HCN1: variants seen among roughly 807,000 people sequenced by gnomAD.
HCN1 encodes the protein hyperpolarization activated cyclic nucleotide gated potassium channel 1, also known as potassium/sodium hyperpolarization-activated cyclic nucleotide-gated channel 1.
A neutral mutation model predicts 78.9 loss-of-function variants in HCN1; 13 were observed. The observed-to-expected ratio is 0.16, with a 90% CI of 0.11 to 0.26. The LOEUF is 0.26. Among genes scored for constraint, HCN1 ranks in the 10% least tolerant of loss-of-function variants. The pLI is 1.00. For synonymous variants in HCN1, 552 were observed against 455.5 expected (o/e 1.21, Z -2.70); for missense variants, 810 against 1,154.3 (o/e 0.70, Z 4.32).
chr5:45,608,950 A>G (rs1308415706), intron 2 of HCN1, among the ~76,000 whole-genome samples: 1 of 152,110 alleles, frequency 6.6e-6, no homozygotes, highest in Non-Finnish European at 1.5e-5. Context: ...GACATTTAAG[A>G]AATTTAAATG....
intron 3 of HCN1, among the ~76,000 whole-genome samples, chr5:45,422,088 G>T (rs2112068262): frequency 6.6e-6 from 1 of 152,220 alleles, no homozygotes; most frequent in East Asian, 1.9e-4. Flanking sequence ...TATAACAAGT[G>T]CCCTGCCCAT....
At chr5:45,273,258 A>T (rs1375083755) in intron 6 of HCN1, among the ~76,000 whole-genome samples, 1 of 151,884 alleles carries the variant, frequency 6.6e-6, no homozygotes, top group Non-Finnish European at 1.5e-5. Flanking sequence ...AACATAGACA[A>T]CTCTGTTTCC....
At chr5:45,285,990 T>G (rs911591791) in intron 6 of HCN1, among the ~76,000 whole-genome samples, 1 of 151,998 alleles carries the variant, frequency 6.6e-6, no homozygotes, top group African/African-American at 2.4e-5. Flanking sequence ...ACGGAAAATT[T>G]GTTTTTAAAG....
intron 5 of HCN1, among the ~76,000 whole-genome samples, chr5:45,309,174 G>T (rs1040135216): frequency 1.3e-5 from 2 of 152,096 alleles, no homozygotes; most frequent in East Asian, 1.9e-4. Flanking sequence ...CTTGACTGTT[G>T]TTGGTGTACA....
intron 2 of HCN1, among the ~76,000 whole-genome samples, chr5:45,590,567 T>G (rs75207879): frequency 6.6e-6 from 1 of 152,202 alleles, no homozygotes; most frequent in East Asian, 1.9e-4. Flanking sequence ...TTTGGACAAG[T>G]GTATAATGAC....
intron 2 of HCN1, among the ~76,000 whole-genome samples, chr5:45,493,722 G>C (rs1040223340): frequency 6.6e-6 from 1 of 151,362 alleles, no homozygotes; most frequent in Non-Finnish European, 1.5e-5. Flanking sequence ...CTAGCATTAG[G>C]TATATCCCCC....
At chr5:45,460,593 G>A (rs183503374) in intron 3 of HCN1, among the ~76,000 whole-genome samples, 143 of 152,086 alleles carry the variant, frequency 9.4e-4, no homozygotes, top group Middle Eastern at 3.4e-3. Context: ...GTGGTCAGGA[G>A]AGCTCTTTGT....
intron 2 of HCN1, among the ~76,000 whole-genome samples, chr5:45,479,556 G>C (rs1280736776): frequency 1.3e-5 from 2 of 152,178 alleles, no homozygotes; most frequent in Non-Finnish European, 2.9e-5. Flanking sequence ...GGCAATTGAA[G>C]AAACAGAACT....
chr5:45,444,423 C>G (rs1167151608), intron 3 of HCN1, among the ~76,000 whole-genome samples: 1 of 152,090 alleles, frequency 6.6e-6, no homozygotes, highest in Non-Finnish European at 1.5e-5. Context: ...CAAAATTCAA[C>G]TATTTTTAAT....
intron 2 of HCN1, among the ~76,000 whole-genome samples, chr5:45,632,988 G>A (rs1745296045): frequency 6.6e-6 from 1 of 151,990 alleles, no homozygotes; most frequent in Admixed American, 6.6e-5. Context: ...TAATCTGTTA[G>A]ATATTTCTAA....
intron 4 of HCN1, among the ~76,000 whole-genome samples, chr5:45,372,085 AAT>A (rs1747393402): frequency 5.2e-5 from 3 of 58,118 alleles, no homozygotes; most frequent in African/African-American, 1.8e-4. Context: ...TATATAATAT[AAT>A]TATATATATA....
chr5:45,374,934 A>G (rs947380197), intron 4 of HCN1, among the ~76,000 whole-genome samples: 2 of 144,204 alleles, frequency 1.4e-5, no homozygotes, highest in African/African-American at 5.1e-5. Context: ...TAGTTCATGG[A>G]AAGTTGAACT....
At chr5:45,392,909 A>G (rs2112036768) in intron 4 of HCN1, among the ~76,000 whole-genome samples, 1 of 152,300 alleles carries the variant, frequency 6.6e-6, no homozygotes, top group Admixed American at 6.5e-5. Context: ...GACTCAGCAC[A>G]TTCTTTGGAC....
intron 5 of HCN1, among the ~76,000 whole-genome samples, chr5:45,321,845 C>A (rs1746133242): frequency 1.3e-5 from 2 of 151,802 alleles, no homozygotes; most frequent in South Asian, 4.1e-4. Context: ...AAGATAACTG[C>A]TTTAATGATG....
chr5:45,527,950 C>A (rs1579951009), intron 2 of HCN1, among the ~76,000 whole-genome samples: 1 of 147,718 alleles, frequency 6.8e-6, no homozygotes, highest in African/African-American at 2.5e-5. Context: ...TTTTTTTAAA[C>A]CCAAAAATAC....
chr5:45,498,059 G>A (rs1159534822), intron 2 of HCN1, among the ~76,000 whole-genome samples: 2 of 152,090 alleles, frequency 1.3e-5, no homozygotes, highest in Non-Finnish European at 2.9e-5. Flanking sequence ...TGACAATTAT[G>A]TGTCTTGGAG....
chr5:45,583,503 G>C (rs1451391111), intron 2 of HCN1, among the ~76,000 whole-genome samples: 1 of 151,946 alleles, frequency 6.6e-6, no homozygotes, highest in Admixed American at 6.6e-5. Context: ...GTTTTTGAAG[G>C]GTTTTTTGTG....
chr5:45,619,276 G>A (rs954400798), intron 2 of HCN1, among the ~76,000 whole-genome samples: 1 of 152,036 alleles, frequency 6.6e-6, no homozygotes, highest in Non-Finnish European at 1.5e-5. Flanking sequence ...GTAGCAATGA[G>A]CGTATCTGGC....
chr5:45,523,742 T>A (rs1265009481), intron 2 of HCN1, among the ~76,000 whole-genome samples: 2 of 152,202 alleles, frequency 1.3e-5, no homozygotes, highest in African/African-American at 4.8e-5. Context: ...TTGAGTTCAT[T>A]GTAGATCCTG....
Sources: allele counts gnomAD v4.1 joint callset (sites outside exome capture counted in the v4.1 genomes callset), GRCh38; gene constraint gnomAD v4.1.1; transcripts MANE v1.5; gene names NCBI Gene and HGNC (gene_info 2026-07-23, HGNC 2026-07-21).